Variants in CSAD observed in about 807,000 individuals in gnomAD.
The protein encoded by CSAD is P-selectin cytoplasmic tail-associated protein.
In CSAD, 47 loss-of-function variants were observed where a neutral mutation model predicts 61.5. The observed-to-expected ratio is 0.76, with a 90% CI of 0.60 to 0.97. The LOEUF (loss-of-function observed/expected upper bound fraction) is 0.97, where lower values mean the gene tolerates loss of function less well. Among genes scored for constraint, CSAD ranks in the 50% least tolerant of loss-of-function variants. CSAD has a pLI of 0.00. For synonymous variants in CSAD, 245 were observed against 252.7 expected (o/e 0.97, Z 0.29); for missense variants, 611 against 643.6 (o/e 0.95, Z 0.55).
intron 2 of CSAD, among the ~76,000 whole-genome samples, chr12:53,174,320 AAG>A (rs1366730561): frequency 6.6e-6 from 1 of 151,792 alleles, no homozygotes; most frequent in African/African-American, 2.4e-5. Context: ...AAAAAAAAAA[AAG>A]AAAAAAAGAA....
In CSAD at chr12:53,158,519, CCTGGCCTAGCCG is replaced by C. The variant is rs756997450; in HGVS notation, c.1462_1473del (p.Arg488_Gln491del). ...AGCAAGACAGAGAAGGCTCACAGGT[CCTGGCCTAGCCG>C]CTCCAGCTCGTTGAGGAGGAAGTCC... On this transcript the variant is annotated inframe_deletion, in exon 17 of 17. Coordinates refer to ENST00000444623, the MANE Select transcript of CSAD (RefSeq NM_001244705.2). The C allele has an allele frequency of 5.6e-6, 9 of 1,612,876 alleles. No homozygotes were observed. In the South Asian group the frequency reaches 9.9e-5, roughly 18 times the overall value.
rs905416069 is a variant in CSAD at position 53,179,560 on chromosome 12, ATC to A, written c.-90-420_-90-419del. The A allele has an allele frequency of 9.8e-6, 5 of 512,500 alleles. No individual in the cohort carries two copies. The Admixed American group carries it at 1.1e-4, about 11-fold the overall frequency. The allele number at this position is 512,500 out of a possible 1,614,324, so 31.7% of individuals were successfully genotyped here. On this transcript the variant is annotated intron_variant, in intron 1 of 16. Coordinates refer to ENST00000444623, the MANE Select transcript of CSAD (RefSeq NM_001244705.2). ...GACTTATTCCTGGTGATGTTTCTTTATCTCTCTCTTTCTCCATTTTGTCTCTA... is the reference window on the plus strand; with the variant it reads ...GACTTATTCCTGGTGATGTTTCTTTATCTCTCTTTCTCCATTTTGTCTCTA...
intron 2 of CSAD, among the ~76,000 whole-genome samples, chr12:53,176,116 G>C (rs1255374012): frequency 6.6e-6 from 1 of 151,902 alleles, no homozygotes; most frequent in Non-Finnish European, 1.5e-5. Flanking sequence ...AAGGGGGGGT[G>C]AGGGGCGGGC....
At chr12:53,172,263 C>T in intron 6 of CSAD, 83 bp downstream of exon 6, 2 of 1,231,210 alleles carry the variant, frequency 1.6e-6, no homozygotes, top group Non-Finnish European at 2.4e-6. Flanking sequence ...AGGGCAGAAC[C>T]ATTCTCCTCC....
chr12:53,162,899 T>C (rs1257768297), intron 10 of CSAD, among the ~76,000 whole-genome samples: 2 of 151,490 alleles, frequency 1.3e-5, no homozygotes, highest in Non-Finnish European at 2.9e-5. Context: ...CTGTCTCTAC[T>C]AAAAATACAA....
At chr12:53,178,271 G>A (rs1259354003) in intron 2 of CSAD, 2 of 429,890 alleles carry the variant, frequency 4.7e-6, no homozygotes, top group Non-Finnish European at 9.3e-6. Context: ...CTAGGAATTC[G>A]AGACCAGCCT....
rs929734527 is a variant in CSAD, at chr12:53,158,085, T to A, written c.*426A>T. The A allele has an allele frequency of 6.6e-6, 1 of 152,608 alleles. No individual in the cohort carries two copies. The highest frequency in any genetic ancestry group is 2.4e-5 in the African/African-American group (1 of 41,414). 9.5% of individuals were successfully genotyped at this position (152,608 alleles called of 1,614,324 possible). A position where few individuals can be genotyped will look rare whatever the true frequency, so the allele number is the denominator to read the frequency against. ...ATCAAATATTTAGTTAGGAGAAAGT[T>A]AGTAGGTCAAAGCATATAAACATTG... is the stretch of plus-strand genomic sequence containing the variant. On this transcript the variant is annotated 3_prime_UTR_variant, in exon 17 of 17. Transcript: ENST00000444623.
chr12:53,169,942 G>A (rs1291289855), intron 10 of CSAD, 130 bp downstream of exon 10: 2 of 787,928 alleles, frequency 2.5e-6, no homozygotes, highest in South Asian at 3.1e-5. Context: ...GCTCTCCATG[G>A]TCACTTCAGC....
rs1215491551 is a variant in CSAD at position 53,158,113 on chromosome 12, C to T, written c.*398G>A. The stretch of plus-strand genomic sequence containing the variant: ...TAGGTCAAAGCATATAAACATTGCG[C>T]AGGTCACTGTGGCCTAAAAAGGCTG... On this transcript the variant is annotated 3_prime_UTR_variant, in exon 17 of 17. Coordinates refer to ENST00000444623, the MANE Select transcript of CSAD (RefSeq NM_001244705.2). 1 of 155,040 alleles carries T rather than the reference C, an allele frequency of 6.4e-6. No individual in the cohort carries two copies. The highest frequency in any genetic ancestry group is 1.4e-5 in the Non-Finnish European group (1 of 69,958). The allele number at this position is 155,040 out of a possible 1,614,324, so 9.6% of individuals were successfully genotyped here.
At chr12:53,172,469 G>A in intron 5 of CSAD, 33 bp from the exon 6 acceptor site, 1 of 1,613,764 alleles carries the variant, frequency 6.2e-7, no homozygotes, top group Admixed American at 1.7e-5. Flanking sequence ...GGAGCTCAGA[G>A]TAGAGCTCAG....
Position 53,161,401 on chromosome 12 carries a change from A to G in CSAD, c.703-12T>C. On this transcript the variant is annotated splice_polypyrimidine_tract_variant and intron_variant, in intron 10 of 16. Coordinates refer to ENST00000444623, the MANE Select transcript of CSAD (RefSeq NM_001244705.2). ...AACGGCACAGCACCCTGTTGCCAAA[A>G]TGTAGAGGGAGAAAGATGTAAAGTC... is the stretch of plus-strand genomic sequence containing the variant. 3.1e-6 allele frequency: 5 copies of G among 1,599,136 alleles called. No individual in the cohort carries two copies. The highest frequency in any genetic ancestry group is 4.3e-6 in the Non-Finnish European group (5 of 1,167,190).
At chr12:53,171,474 G>A in intron 7 of CSAD, 33 bp from the exon 8 acceptor site, 1 of 1,606,522 alleles carries the variant, frequency 6.2e-7, no homozygotes. Context: ...GCAAGAGGAA[G>A]GAGCAGTGGG....
At chr12:53,179,760 GACATAATATCACCT>G (rs778386259) in intron 1 of CSAD, 12 of 1,598,340 alleles carry the variant, frequency 7.5e-6, no homozygotes, top group Admixed American at 3.3e-5. Flanking sequence ...CTAAAGTCAC[GACATAATATCACCT>G]ACAGCAGAAA....
chr12:53,159,034 CTCTCT>C (rs1938919172), intron 16 of CSAD, among the ~76,000 whole-genome samples: 1 of 152,178 alleles, frequency 6.6e-6, no homozygotes, highest in Non-Finnish European at 1.5e-5. Context: ...TTCTTCTCCC[CTCTCT>C]TAATTCCTGT....
intron 1 of CSAD, 156 bp downstream of exon 1, chr12:53,180,576 C>T: frequency 7.8e-7 from 1 of 1,284,994 alleles, no homozygotes; most frequent in Non-Finnish European, 1.0e-6. Context: ...CCCAGCTGCA[C>T]CTCTCCGTGC....
intron 11 of CSAD, 41 bp from the exon 12 acceptor site, chr12:53,161,232 C>G: frequency 6.2e-7 from 1 of 1,613,728 alleles, no homozygotes; most frequent in Non-Finnish European, 8.5e-7. Context: ...GGCCTTGGCT[C>G]AGCCCACCCC....
At chr12:53,176,115 T>G (rs1005311763) in intron 2 of CSAD, among the ~76,000 whole-genome samples, 1 of 145,476 alleles carries the variant, frequency 6.9e-6, no homozygotes, top group African/African-American at 2.6e-5. Flanking sequence ...GAAGGGGGGG[T>G]GAGGGGCGGG....
intron 2 of CSAD, chr12:53,178,534 G>C: frequency 3.4e-6 from 1 of 297,210 alleles, no homozygotes; most frequent in Non-Finnish European, 6.8e-6. Context: ...GCTCACACCT[G>C]GAATCCCAGC....
In CSAD at chr12:53,176,410, CA is replaced by C. The variant is rs1388860641; in HGVS notation, c.-49-2641del. 1.5e-4 allele frequency among the ~76,000 whole-genome samples: 21 copies of C among 138,316 alleles called. No homozygotes were observed. In the South Asian group the frequency reaches 2.1e-3, roughly 14 times the overall value. 90.7% of individuals were successfully genotyped at this position (138,316 alleles called of 152,430 possible). On this transcript the variant is annotated intron_variant, in intron 2 of 16. Coordinates refer to ENST00000444623, the MANE Select transcript of CSAD (RefSeq NM_001244705.2). ...GGGCAGCAAGAGCAAAATTCCATCT[CA>C]AAAAAAAAAACAAGAATACCAGAAG...
Sources: gnomAD v4.1 joint callset for allele counts (sites outside exome capture counted in the v4.1 genomes callset) on GRCh38, gnomAD v4.1.1 for gene constraint, MANE v1.5 for transcripts, NCBI Gene and HGNC (gene_info 2026-07-23, HGNC 2026-07-21) for gene names.